Variants in SCUBE2 observed in about 807,000 individuals in gnomAD.
The protein encoded by SCUBE2 is signal peptide, CUB domain and EGF like domain containing 2, also known as signal peptide, CUB and EGF-like domain-containing protein 2.
In SCUBE2, 114 loss-of-function variants were observed where a neutral mutation model predicts 125.9. The observed-to-expected ratio is 0.91, with a 90% confidence interval of 0.78 to 1.06. SCUBE2 has a LOEUF of 1.06. Among genes scored for constraint, SCUBE2 ranks in the 50% least tolerant of loss-of-function variants. The pLI is 0.00. For missense variants in SCUBE2, 1,255 were observed against 1,301.8 expected (o/e 0.96, Z 0.55); for synonymous variants, 459 against 492.9 (o/e 0.93, Z 0.91).
At chr11:9,079,746 T>C (rs1454884259) in intron 2 of SCUBE2, among the ~76,000 whole-genome samples, 2 of 152,052 alleles carry the variant, frequency 1.3e-5, no homozygotes, top group African/African-American at 4.8e-5. Context: ...GTACCTCTAC[T>C]CCATGGACTA....
In SCUBE2 at chr11:9,050,525, C is replaced by T; in HGVS notation, c.1639+81G>A. 2.8e-6 allele frequency: 3 copies of T among 1,075,160 alleles called. No individual in the cohort carries two copies. In the South Asian group the frequency reaches 3.8e-5, roughly 14 times the overall value. The allele number at this position is 1,075,160 out of a possible 1,614,324, so 66.6% of individuals were successfully genotyped here. On this transcript the variant is annotated intron_variant, in intron 14 of 22. Transcript: ENST00000649792. ...GGATCGGCTGGACAGCCCCTGGCCCCCATGGACCTCCAGCTCGGCTGGCTG... is the reference window on the plus strand; with the variant it reads ...GGATCGGCTGGACAGCCCCTGGCCCTCATGGACCTCCAGCTCGGCTGGCTG...
In SCUBE2 at chr11:9,091,487, C is replaced by G. The variant is rs755527515; in HGVS notation, c.42G>C (p.Ala14=). Residue 14 remains alanine (A), a synonymous_variant, in exon 1 of 23, where the codon GCG becomes GCC. Transcript: ENST00000649792. The surrounding 1 kb of genome is among the most constrained non-coding windows in gnomAD (Gnocchi z 8.5). The part of the protein sequence containing the change: ...AGRNRPGAAW[A]VLLLLLLLPP... ...GCAGCAGCAGCAGCAGCAGCAGCAC[C>G]GCCCAGGCCGCCCCGGGACGGTTGC... 3 of 1,160,070 alleles carry G rather than the reference C, an allele frequency of 2.6e-6. No homozygotes were observed. Among genetic ancestry groups the G allele is most frequent in the Non-Finnish European group, 1.1e-6 (1 of 901,410 alleles). 71.9% of individuals were successfully genotyped at this position (1,160,070 alleles called of 1,614,324 possible). A position where few individuals can be genotyped will look rare whatever the true frequency, so the allele number is the denominator to read the frequency against.
At chr11:9,030,649 G>A in intron 18 of SCUBE2, 109 bp downstream of exon 18, 4 of 1,147,712 alleles carry the variant, frequency 3.5e-6, no homozygotes, top group Non-Finnish European at 5.0e-6. Context: ...TGAACCCCCA[G>A]CCACTGGGGC....
At chr11:9,061,295 C>A (rs1413753968) in intron 7 of SCUBE2, among the ~76,000 whole-genome samples, 1 of 152,010 alleles carries the variant, frequency 6.6e-6, no homozygotes, top group Non-Finnish European at 1.5e-5. Context: ...GGTGGCTTAC[C>A]CCTGTAATCC....
Position 9,050,710 on chromosome 11 carries a change from T to C in SCUBE2, c.1535A>G (p.Asp512Gly), listed in dbSNP as rs776984557. The C allele has an allele frequency of 3.1e-6, 5 of 1,610,918 alleles. No homozygotes were observed. The highest frequency in any genetic ancestry group is 3.4e-6 in the Non-Finnish European group (4 of 1,177,132). ...QQKSNDSAFGDVTTIRTSVTF... is the reference protein window; with the variant it reads ...QQKSNDSAFGGVTTIRTSVTF... ...TACACTTGTCCTGATGGTGGTGACATCTTCAGAAAGAAACAAGTGAGAGAT... is the reference window on the plus strand; with the variant it reads ...TACACTTGTCCTGATGGTGGTGACACCTTCAGAAAGAAACAAGTGAGAGAT... Residue 512 changes from aspartate to glycine, a missense_variant and splice_region_variant, in exon 14 of 23, where the codon GAT becomes GGT. By Grantham distance (94) the Asp-to-Gly change is moderately conservative. Coordinates refer to ENST00000649792, the MANE Select transcript of SCUBE2 (RefSeq NM_001367977.2).
intron 10 of SCUBE2, among the ~76,000 whole-genome samples, chr11:9,054,976 C>T (rs550557648): frequency 3.1e-4 from 47 of 151,658 alleles, no homozygotes; most frequent in African/African-American, 1.0e-3. Flanking sequence ...TCAGGTGATC[C>T]GCCCGCCTTG....
Position 9,051,732 on chromosome 11 carries a change from G to A in SCUBE2, c.1534+1014C>T, listed in dbSNP as rs140122095. On this transcript the variant is annotated intron_variant, in intron 13 of 22. Transcript: ENST00000649792. ...ACCTATATTACCAGGCTGTTGTAAG[G>A]ATAAAATGAGATAATGCATTTAAAA... 4.6e-3 allele frequency among the ~76,000 whole-genome samples: 696 copies of A among 152,276 alleles called. 6 individuals carry two copies. The highest frequency in any genetic ancestry group is 0.016 in the African/African-American group (657 of 41,564).
In SCUBE2 at chr11:9,020,886, A is replaced by G. The variant is rs934800785; in HGVS notation, c.*159T>C. 5 of 615,714 alleles carry G rather than the reference A, an allele frequency of 8.1e-6. No homozygotes were observed. Among genetic ancestry groups the G allele is most frequent in the Admixed American group, 3.6e-5 (1 of 27,896 alleles). The allele number at this position is 615,714 out of a possible 1,614,324, so 38.1% of individuals were successfully genotyped here. ...TGCTGGGAAAGAAAAACCAAGTTCAATTTACCAAAATATCTGTATTATCTA... is the reference window on the plus strand; with the variant it reads ...TGCTGGGAAAGAAAAACCAAGTTCAGTTTACCAAAATATCTGTATTATCTA... On this transcript the variant is annotated 3_prime_UTR_variant, in exon 23 of 23. Coordinates refer to ENST00000649792, the MANE Select transcript of SCUBE2 (RefSeq NM_001367977.2).
At chr11:9,041,584 G>A (rs1258953357) in intron 16 of SCUBE2, among the ~76,000 whole-genome samples, 1 of 152,210 alleles carries the variant, frequency 6.6e-6, no homozygotes, top group African/African-American at 2.4e-5. Flanking sequence ...TGCCTCATGA[G>A]GAGTGAGGAA....
At chr11:9,060,275 T>C (rs1055878105) in intron 8 of SCUBE2, 133 bp downstream of exon 8, 20 of 667,868 alleles carry the variant, frequency 3.0e-5, no homozygotes, top group East Asian at 2.6e-5. Flanking sequence ...AAAGCTCCCA[T>C]TGATATGAAT....
chr11:9,030,714 A>G (rs1856230187), intron 18 of SCUBE2, 44 bp downstream of exon 18: 2 of 1,575,638 alleles, frequency 1.3e-6, no homozygotes, highest in Non-Finnish European at 1.7e-6. Flanking sequence ...GATACTTAGA[A>G]GGGAAATCCA....
intron 8 of SCUBE2, 184 bp from the exon 9 acceptor site, chr11:9,059,609 T>C (rs1859460403): frequency 2.7e-6 from 2 of 740,634 alleles, no homozygotes; most frequent in Non-Finnish European, 4.1e-6. Context: ...CTTAACCAGT[T>C]TTGAAAGACA....
chr11:9,024,412 A>G lies in SCUBE2; in HGVS notation c.2854+1290T>C, dbSNP rs1485034461. 10 of 1,288,142 alleles carry G rather than the reference A, an allele frequency of 7.8e-6. 1 individual carries two copies. In the South Asian group the frequency reaches 1.2e-4, roughly 16 times the overall value. The allele number at this position is 1,288,142 out of a possible 1,614,324, so 79.8% of individuals were successfully genotyped here. A position where few individuals can be genotyped will look rare whatever the true frequency, so the allele number is the denominator to read the frequency against. On this transcript the variant is annotated intron_variant, in intron 21 of 22. Transcript: ENST00000649792. ...GTGTTTGTTTGACATTATTTCAGGC[A>G]TCTGTAGGACAAAGATGATGATCCG...
chr11:9,024,559 C>T, intron 21 of SCUBE2: 1 of 453,914 alleles, frequency 2.2e-6, no homozygotes, highest in Non-Finnish European at 3.9e-6. Context: ...AGAGCTTGGC[C>T]CTGAAGGCTC....
chr11:9,025,882 G>A (rs779830326), intron 20 of SCUBE2, 28 bp from the exon 21 acceptor site: 2 of 1,608,094 alleles, frequency 1.2e-6, no homozygotes, highest in East Asian at 4.5e-5. Flanking sequence ...AGAAGGGTGG[G>A]GTTCAAGACT....
intron 3 of SCUBE2, among the ~76,000 whole-genome samples, chr11:9,076,950 C>G (rs1411446231): frequency 6.6e-6 from 1 of 152,162 alleles, no homozygotes; most frequent in Non-Finnish European, 1.5e-5. Context: ...GGTCTGTCTC[C>G]CTGAACACCA....
At chr11:9,062,756 CAA>C (rs993339586) in intron 7 of SCUBE2, among the ~76,000 whole-genome samples, 4 of 145,662 alleles carry the variant, frequency 2.7e-5, no homozygotes, top group African/African-American at 7.7e-5. Context: ...TTATCCTGTG[CAA>C]AGATTAGAAG....
chr11:9,056,232 T>C (rs1432818521), intron 9 of SCUBE2, among the ~76,000 whole-genome samples: 1 of 152,220 alleles, frequency 6.6e-6, no homozygotes, highest in East Asian at 1.9e-4. Context: ...ATAACATACC[T>C]AAAAAGGGTT....
chr11:9,086,117 A>C (rs1367931448), intron 2 of SCUBE2, among the ~76,000 whole-genome samples: 2 of 152,248 alleles, frequency 1.3e-5, no homozygotes, highest in Non-Finnish European at 2.9e-5. Context: ...TACAGGCGTG[A>C]GCCAATTCAA....
Sources: gnomAD v4.1 joint callset for allele counts (sites outside exome capture counted in the v4.1 genomes callset) on GRCh38, gnomAD v4.1.1 for gene constraint, Gnocchi (gnomAD v3.1) non-coding constraint, MANE v1.5 for transcripts, NCBI Gene and HGNC (gene_info 2026-07-23, HGNC 2026-07-21) for gene names.